The following PCYT1B variants were observed in gnomAD, a reference collection of about 807,000 sequenced individuals.
PCYT1B encodes choline-phosphate cytidylyltransferase B.
Under a neutral mutation model 26.4 loss-of-function variants are expected in PCYT1B, and 10 were observed. The ratio of observed to expected loss-of-function variants is 0.38; its 90% confidence interval spans 0.23 to 0.64. The LOEUF (loss-of-function observed/expected upper bound fraction) is 0.64, where lower values mean the gene tolerates loss of function less well. Ranked by LOEUF, PCYT1B falls within the 30% of genes least tolerant of loss-of-function variation. The probability of loss-of-function intolerance (pLI) is 0.56; values close to 1 mark genes in which losing one functional copy is unlikely to be tolerated. For synonymous variants in PCYT1B, 131 were observed against 108.4 expected (o/e 1.21, Z -1.29); for missense variants, 161 against 292.7 (o/e 0.55, Z 3.28).
At chrX:24,668,996 A>G (rs1255918338) in intron 1 of PCYT1B, among the ~76,000 whole-genome samples, 1 of 111,550 alleles carries the variant, frequency 9.0e-6, no homozygotes, top group Non-Finnish European at 1.9e-5. Flanking sequence ...TTGCAGATCA[A>G]AGTTAACTTT....
At chrX:24,578,696 G>T (rs1228167091) in intron 6 of PCYT1B, among the ~76,000 whole-genome samples, 1 of 111,669 alleles carries the variant, frequency 9.0e-6, no homozygotes, top group Non-Finnish European at 1.9e-5. Context: ...GTTTCTCTGG[G>T]TTTAGCTTTC....
chrX:24,575,431 C>T, intron 6 of PCYT1B, 113 bp from the exon 7 acceptor site: 1 of 596,326 alleles, frequency 1.7e-6, no homozygotes, highest in Non-Finnish European at 2.5e-6. Flanking sequence ...TGTTCCTAAC[C>T]TGAAGAGTCA....
chrX:24,658,933 C>T (rs1013620943), intron 1 of PCYT1B, among the ~76,000 whole-genome samples: 7 of 112,092 alleles, frequency 6.2e-5, no homozygotes, highest in Admixed American at 1.9e-4. Flanking sequence ...CAATTGCTAA[C>T]ATTGTCTACA....
intron 7 of PCYT1B, among the ~76,000 whole-genome samples, chrX:24,573,953 C>T (rs1306987099): frequency 9.0e-6 from 1 of 111,271 alleles, no homozygotes; most frequent in Non-Finnish European, 1.9e-5. Context: ...ACACCCACGT[C>T]TATAATCACT....
intron 1 of PCYT1B, among the ~76,000 whole-genome samples, chrX:24,660,600 C>T (rs1332921954): frequency 9.2e-6 from 1 of 108,455 alleles, no homozygotes; most frequent in Non-Finnish European, 1.9e-5. Context: ...ATCGCTTGAA[C>T]CCAGGAGGTG....
chrX:24,656,813 T>C (rs1480623897), intron 1 of PCYT1B, among the ~76,000 whole-genome samples: 2 of 110,930 alleles, frequency 1.8e-5, no homozygotes, highest in East Asian at 5.6e-4. Flanking sequence ...ATTACAGGCG[T>C]GAGCCACTGC....
chrX:24,647,026 A>G lies in PCYT1B; in HGVS notation c.80T>C (p.Met27Thr), dbSNP rs776698327. The change falls in exon 1 of 8, where the codon ATG (methionine) becomes ACG (threonine). Residue 27 changes from methionine to threonine, a missense_variant. This residue lies in a region of PCYT1B where 51 missense variants were observed against 51.0 expected (regional missense o/e 1.00). Coordinates refer to ENST00000379144, the MANE Select transcript of PCYT1B (RefSeq NM_004845.5). The part of the protein sequence containing the change: ...SLSNEPPSET[M>T]EEIEHTCPQP... ...TGGGCATGTGTGCTCTATTTCCTCC[A>G]TGGTTTCTGAGGGAGGCTCATTGGA... 3 of 1,208,306 alleles carry G rather than the reference A, an allele frequency of 2.5e-6. No homozygotes were observed. The highest frequency in any genetic ancestry group is 3.4e-6 in the Non-Finnish European group (3 of 894,038).
At chrX:24,632,355 C>A (rs1488857852) in intron 1 of PCYT1B, 1 of 145,466 alleles carries the variant, frequency 6.9e-6, no homozygotes, top group East Asian at 1.6e-4. Context: ...ACAAGGAAAG[C>A]TACTCTATCT....
intron 5 of PCYT1B, 118 bp from the exon 6 acceptor site, chrX:24,579,576 A>T: frequency 1.6e-6 from 1 of 619,159 alleles, no homozygotes; most frequent in Admixed American, 2.7e-5. Context: ...GCCAATGAAG[A>T]CTTTACGTCT....
At chrX:24,655,714 C>T (rs1356227170) in intron 1 of PCYT1B, among the ~76,000 whole-genome samples, 1 of 110,873 alleles carries the variant, frequency 9.0e-6, no homozygotes, top group African/African-American at 3.3e-5. Context: ...ACCTGGAAGG[C>T]GGAGGGTTGC....
At chrX:24,660,034 G>A (rs917095840) in intron 1 of PCYT1B, among the ~76,000 whole-genome samples, 1 of 111,515 alleles carries the variant, frequency 9.0e-6, no homozygotes, top group African/African-American at 3.3e-5. Flanking sequence ...AATCACCTTA[G>A]GAGCTTTCAA....
chrX:24,569,867 TC>T (rs1923763864), intron 7 of PCYT1B, among the ~76,000 whole-genome samples: 1 of 111,627 alleles, frequency 9.0e-6, no homozygotes, highest in Admixed American at 9.5e-5. Flanking sequence ...AACCATTTAA[TC>T]CCACTAAATT....
At chrX:24,619,270 T>A in intron 1 of PCYT1B, 186 bp from the exon 2 acceptor site, 1 of 425,419 alleles carries the variant, frequency 2.4e-6, no homozygotes, top group South Asian at 3.7e-5. Context: ...ACCTTTTGGT[T>A]TGTTTTTTAC....
rs1434200548 is a variant in PCYT1B, at chrX:24,559,387, GAAAA to G, written c.*2902_*2905del. 2.4e-5 allele frequency: 2 copies of G among 84,333 alleles called. No individual in the cohort carries two copies. Among genetic ancestry groups the G allele is most frequent in the African/African-American group, 8.7e-5 (2 of 22,994 alleles). 6.9% of individuals were successfully genotyped at this position (84,333 alleles called of 1,213,427 possible). A position where few individuals can be genotyped will look rare whatever the true frequency, so the allele number is the denominator to read the frequency against. On this transcript the variant is annotated 3_prime_UTR_variant, in exon 8 of 8. Coordinates refer to ENST00000379144, the MANE Select transcript of PCYT1B (RefSeq NM_004845.5). ...GAAAGAAAGAAGGAAGAAAGAGAAA[GAAAA>G]AGAAAGAAAGAAAAAGAGGAAAGAA...
intron 3 of PCYT1B, among the ~76,000 whole-genome samples, chrX:24,606,053 CAAAAAA>C (rs35072094): frequency 3.8e-5 from 2 of 52,489 alleles, no homozygotes; most frequent in Non-Finnish European, 7.0e-5. Context: ...GACTCCATCT[CAAAAAA>C]AAAAAAAAAA....
intron 3 of PCYT1B, among the ~76,000 whole-genome samples, chrX:24,599,441 A>G (rs1484962036): frequency 8.9e-6 from 1 of 112,080 alleles, no homozygotes; most frequent in African/African-American, 3.2e-5. Flanking sequence ...ACAAGGAAAA[A>G]ATAGGGATAA....
At chrX:24,577,919 A>G (rs1924072951) in intron 6 of PCYT1B, among the ~76,000 whole-genome samples, 1 of 111,181 alleles carries the variant, frequency 9.0e-6, no homozygotes, top group Admixed American at 9.6e-5. Flanking sequence ...TTGCTTTTTA[A>G]CAGCTTGTTT....
At chrX:24,644,572 G>A (rs1345256923) in intron 1 of PCYT1B, among the ~76,000 whole-genome samples, 3 of 110,318 alleles carry the variant, frequency 2.7e-5, no homozygotes, top group Non-Finnish European at 5.7e-5. Flanking sequence ...CCACTTTTCC[G>A]GTGTAGAGCT....
At position 24,647,207 on chromosome X, in the gene PCYT1B, C is replaced by A; in HGVS notation, c.-102G>T. On this transcript the variant is annotated 5_prime_UTR_variant, in exon 1 of 8. It removes an upstream start codon present in the reference 5' UTR. Coordinates refer to ENST00000379144, the MANE Select transcript of PCYT1B (RefSeq NM_004845.5). ...ATTTTTCTCCCCTCTACCCTCCACC[C>A]ATCCCCCCGCTTCTTCTCCCCTTCT... 9.3e-7 allele frequency: 1 copy of A among 1,080,227 alleles called. No individual in the cohort carries two copies. Among genetic ancestry groups the A allele is most frequent in the Non-Finnish European group, 1.2e-6 (1 of 825,789 alleles). The allele number at this position is 1,080,227 out of a possible 1,213,427, so 89.0% of individuals were successfully genotyped here. A position where few individuals can be genotyped will look rare whatever the true frequency, so the allele number is the denominator to read the frequency against.
Sources: allele counts gnomAD v4.1 joint callset (sites outside exome capture counted in the v4.1 genomes callset), GRCh38; gene constraint gnomAD v4.1.1; regional missense constraint gnomAD v4.1.1; transcripts MANE v1.5; gene names NCBI Gene and HGNC (gene_info 2026-07-23, HGNC 2026-07-21).